ADGRL3: variants seen among roughly 807,000 people sequenced by gnomAD.
ADGRL3 encodes the protein adhesion G protein-coupled receptor L3, also known as calcium-independent alpha-latrotoxin receptor 3.
A neutral mutation model predicts 153.5 loss-of-function variants in ADGRL3; 62 were observed. The observed-to-expected ratio is 0.40, with a 90% confidence interval of 0.33 to 0.50. The LOEUF (loss-of-function observed/expected upper bound fraction) is 0.50, where lower values mean the gene tolerates loss of function less well. ADGRL3 is among the 20% of genes least tolerant of loss of function. The pLI, the probability that ADGRL3 is intolerant of heterozygous loss-of-function variation, is 0.47. For missense variants in ADGRL3, 1,641 were observed against 1,859.4 expected, an observed-to-expected ratio of 0.88 and a Z score of 2.16; for synonymous variants, 710 against 672.5, an observed-to-expected ratio of 1.06 and a Z score of -0.86.
chr4:61,825,947 G>A (rs1233506927), intron 9 of ADGRL3, among the ~76,000 whole-genome samples: 3 of 152,040 alleles, frequency 2.0e-5, no homozygotes, highest in South Asian at 2.1e-4. Flanking sequence ...AGTCCCTCTG[G>A]GCTGTGTGGT....
chr4:61,229,152 A>C (rs1749382135), intron 1 of ADGRL3, among the ~76,000 whole-genome samples: 1 of 152,186 alleles, frequency 6.6e-6, no homozygotes, highest in African/African-American at 2.4e-5. Context: ...GGCTTTGATT[A>C]TTTTAAAGTG....
At chr4:61,994,540 A>C (rs2099115203) in intron 19 of ADGRL3, among the ~76,000 whole-genome samples, 1 of 151,872 alleles carries the variant, frequency 6.6e-6, no homozygotes, top group Non-Finnish European at 1.5e-5. Flanking sequence ...TCTTAAAATG[A>C]GTTTAAACGT....
chr4:61,988,019 T>C (rs1046910124), intron 19 of ADGRL3, among the ~76,000 whole-genome samples: 1 of 152,154 alleles, frequency 6.6e-6, no homozygotes, highest in African/African-American at 2.4e-5. Flanking sequence ...GTAGGTTAAA[T>C]AAATGCTATT....
intron 9 of ADGRL3, among the ~76,000 whole-genome samples, chr4:61,863,299 G>A (rs1651489725): frequency 1.4e-5 from 2 of 141,198 alleles, no homozygotes; most frequent in Admixed American, 1.5e-4. Context: ...GTGCAGTGGC[G>A]GGATCTCGGC....
intron 5 of ADGRL3, among the ~76,000 whole-genome samples, chr4:61,644,581 T>C (rs929897010): frequency 1.7e-4 from 26 of 152,186 alleles, no homozygotes; most frequent in Admixed American, 1.4e-3. Flanking sequence ...TCAGTTTCCA[T>C]GTAGTTGAGC....
At chr4:61,215,144 A>T (rs1742052926) in intron 1 of ADGRL3, among the ~76,000 whole-genome samples, 1 of 152,174 alleles carries the variant, frequency 6.6e-6, no homozygotes, top group Admixed American at 6.5e-5. Flanking sequence ...TTCCAATTGT[A>T]CAGACATATT....
intron 6 of ADGRL3, among the ~76,000 whole-genome samples, chr4:61,698,135 GA>G (rs943908693): frequency 2.6e-5 from 4 of 151,974 alleles, no homozygotes; most frequent in African/African-American, 9.7e-5. Context: ...TAATGATTGT[GA>G]ACATCACTGA....
chr4:61,672,368 G>C (rs573425318), intron 5 of ADGRL3, among the ~76,000 whole-genome samples: 1 of 151,894 alleles, frequency 6.6e-6, no homozygotes, highest in African/African-American at 2.4e-5. Flanking sequence ...CCATAAACAT[G>C]TGGATTAATT....
At chr4:61,954,237 G>C (rs1244529451) in intron 17 of ADGRL3, among the ~76,000 whole-genome samples, 3 of 151,912 alleles carry the variant, frequency 2.0e-5, no homozygotes, top group African/African-American at 7.3e-5. Flanking sequence ...CCTTTTATTT[G>C]TTTATTTTCA....
chr4:61,802,995 A>C (rs2097517097), intron 8 of ADGRL3, among the ~76,000 whole-genome samples: 1 of 152,138 alleles, frequency 6.6e-6, no homozygotes, highest in South Asian at 2.1e-4. Context: ...AGAAAATGAG[A>C]CTATAATATG....
chr4:61,219,118 C>G (rs1264784005), intron 1 of ADGRL3, among the ~76,000 whole-genome samples: 2 of 152,152 alleles, frequency 1.3e-5, no homozygotes, highest in Non-Finnish European at 2.9e-5. Context: ...TCAGCTGATT[C>G]ATGTGTAAAG....
intron 1 of ADGRL3, among the ~76,000 whole-genome samples, chr4:61,318,214 A>AT (rs1455372629): frequency 2.8e-5 from 4 of 144,298 alleles, no homozygotes; most frequent in Non-Finnish European, 6.0e-5. Context: ...AAAAAAAAAA[A>AT]CACAAAACAC....
chr4:61,280,158 G>A (rs2093663202), intron 1 of ADGRL3, among the ~76,000 whole-genome samples: 2 of 135,694 alleles, frequency 1.5e-5, no homozygotes, highest in Non-Finnish European at 3.1e-5. Context: ...TGCCCAGGCT[G>A]GAATGCAGTG....
At chr4:61,903,423 G>A (rs964324971) in intron 11 of ADGRL3, among the ~76,000 whole-genome samples, 7 of 152,044 alleles carry the variant, frequency 4.6e-5, no homozygotes, top group Non-Finnish European at 1.0e-4. Flanking sequence ...GCCCATGAGG[G>A]CAAGAGCTGT....
At chr4:61,226,772 G>C (rs1388776036) in intron 1 of ADGRL3, among the ~76,000 whole-genome samples, 1 of 150,820 alleles carries the variant, frequency 6.6e-6, no homozygotes. Context: ...CACTCTATTC[G>C]GGATAGTTAG....
At chr4:61,317,146 C>A (rs1436597159) in intron 1 of ADGRL3, among the ~76,000 whole-genome samples, 1 of 152,088 alleles carries the variant, frequency 6.6e-6, no homozygotes, top group African/African-American at 2.4e-5. Context: ...CTTTACATGT[C>A]TGGAAACTTT....
At chr4:61,658,681 TC>T (rs1460662121) in intron 5 of ADGRL3, among the ~76,000 whole-genome samples, 3 of 152,170 alleles carry the variant, frequency 2.0e-5, no homozygotes, top group African/African-American at 7.2e-5. Flanking sequence ...CACAATGACC[TC>T]CAGATCACTA....
chr4:61,549,719 C>G (rs933986662), intron 4 of ADGRL3, among the ~76,000 whole-genome samples: 16 of 151,916 alleles, frequency 1.1e-4, no homozygotes, highest in Non-Finnish European at 2.4e-4. Context: ...CTGGCTTAAT[C>G]ACAGCTGTAT....
chr4:61,631,891 T>A (rs1178264728), intron 5 of ADGRL3, among the ~76,000 whole-genome samples: 1 of 152,056 alleles, frequency 6.6e-6, no homozygotes, highest in Non-Finnish European at 1.5e-5. Context: ...CCTTCCAAAG[T>A]GCTGGGATTA....
Sources: allele counts gnomAD v4.1 joint callset (sites outside exome capture counted in the v4.1 genomes callset), GRCh38; gene constraint gnomAD v4.1.1; transcripts MANE v1.5; gene names NCBI Gene and HGNC (gene_info 2026-07-23, HGNC 2026-07-21).